SF3B3: variants seen among roughly 807,000 people sequenced by gnomAD.
SF3B3 encodes splicing factor 3b subunit 3, also known as SAP 130.
A neutral mutation model predicts 139.2 loss-of-function variants in SF3B3; 33 were observed. That is an observed-to-expected ratio of 0.24 (90% confidence interval 0.18 to 0.32). The LOEUF (loss-of-function observed/expected upper bound fraction) is 0.32, where lower values mean the gene tolerates loss of function less well. Ranked by LOEUF, SF3B3 falls within the 10% of genes least tolerant of loss-of-function variation. SF3B3 has a pLI of 1.00. For missense variants in SF3B3, 818 were observed against 1,509.4 expected, an observed-to-expected ratio of 0.54 and a Z score of 7.59; for synonymous variants, 596 against 563.6, an observed-to-expected ratio of 1.06 and a Z score of -0.81.
intron 2 of SF3B3, among the ~76,000 whole-genome samples, chr16:70,528,227 C>T (rs1211480531): frequency 3.9e-5 from 5 of 128,920 alleles, no homozygotes; most frequent in Non-Finnish European, 6.2e-5. Context: ...TACAGTAGTG[C>T]GACCTCGGCT....
At chr16:70,536,875 A>T (rs184708923) in intron 6 of SF3B3, among the ~76,000 whole-genome samples, 2 of 148,288 alleles carry the variant, frequency 1.3e-5, no homozygotes, top group East Asian at 4.0e-4. Flanking sequence ...CAGTGGCGCA[A>T]TCTTGGCTCA....
At chr16:70,568,621 A>C in intron 22 of SF3B3, 126 bp downstream of exon 22, 1 of 718,586 alleles carries the variant, frequency 1.4e-6, no homozygotes. Context: ...CATCCTACTA[A>C]AGCTAACTCT....
intron 1 of SF3B3, among the ~76,000 whole-genome samples, chr16:70,525,825 G>C (rs1238703512): frequency 1.3e-5 from 2 of 151,782 alleles, no homozygotes; most frequent in Non-Finnish European, 2.9e-5. Flanking sequence ...GCCGGGTGTG[G>C]TGGCGGGCGC....
intron 12 of SF3B3, 150 bp from the exon 13 acceptor site, chr16:70,554,901 C>T (rs528630836): frequency 1.4e-6 from 1 of 720,086 alleles, no homozygotes; most frequent in East Asian, 2.7e-5. Flanking sequence ...TTGCCTGAGG[C>T]CTACTAACTC....
chr16:70,526,888 T>C, intron 2 of SF3B3, 162 bp downstream of exon 2: 1 of 609,184 alleles, frequency 1.6e-6, no homozygotes, highest in Non-Finnish European at 2.9e-6. Context: ...GTGCATTATC[T>C]GTTACCTATT....
chr16:70,563,591 T>C, intron 17 of SF3B3: 1 of 317,606 alleles, frequency 3.1e-6, no homozygotes, highest in Non-Finnish European at 5.8e-6. Context: ...TTTATTATCA[T>C]TGGAGTGATT....
At chr16:70,533,228 G>A (rs927669312) in intron 5 of SF3B3, among the ~76,000 whole-genome samples, 5 of 152,084 alleles carry the variant, frequency 3.3e-5, no homozygotes, top group African/African-American at 1.2e-4. Context: ...GGTGGCTCAC[G>A]CCTATAACCC....
At chr16:70,531,722 T>A (rs774833891) in intron 4 of SF3B3, among the ~76,000 whole-genome samples, 11 of 152,244 alleles carry the variant, frequency 7.2e-5, no homozygotes, top group Non-Finnish European at 1.6e-4. Context: ...AAACAAGATA[T>A]TTATTGGGAA....
In SF3B3 at chr16:70,526,641, C is replaced by T. The variant is rs369611284; in HGVS notation, c.-16C>T. 3 of 1,609,150 alleles carry T rather than the reference C, an allele frequency of 1.9e-6. No individual in the cohort carries two copies. Among genetic ancestry groups the T allele is most frequent in the South Asian group, 2.2e-5 (2 of 90,834 alleles). ...CCAAGGCCTGGAGGTCTGGGTGGCT[C>T]AGGTTTCCTGCAGCCATGTTTCTGT... On this transcript the variant is annotated 5_prime_UTR_variant, in exon 2 of 26. Transcript: ENST00000302516.
intron 13 of SF3B3, 67 bp from the exon 14 acceptor site, chr16:70,556,112 G>C: frequency 6.6e-7 from 1 of 1,517,210 alleles, no homozygotes; most frequent in Non-Finnish European, 9.1e-7. Context: ...CAGGGTTTTG[G>C]GGTGAATTGG....
chr16:70,531,163 G>C (rs1404447387), intron 4 of SF3B3, among the ~76,000 whole-genome samples: 1 of 151,972 alleles, frequency 6.6e-6, no homozygotes, highest in African/African-American at 2.4e-5. Flanking sequence ...AGCTACTCGG[G>C]AAGCTGAGGC....
chr16:70,539,006 G>A, intron 7 of SF3B3, 98 bp from the exon 8 acceptor site: 1 of 894,444 alleles, frequency 1.1e-6, no homozygotes, highest in South Asian at 1.3e-5. Flanking sequence ...GGTCAGATAT[G>A]AAATACAGTA....
chr16:70,569,971 G>T, intron 23 of SF3B3, 35 bp from the exon 24 acceptor site: 1 of 1,613,052 alleles, frequency 6.2e-7, no homozygotes, highest in Non-Finnish European at 8.5e-7. Flanking sequence ...GCTCCTGAGG[G>T]TGCACACAGT....
chr16:70,535,850 G>A (rs905628227), intron 6 of SF3B3, among the ~76,000 whole-genome samples: 42 of 150,540 alleles, frequency 2.8e-4, no homozygotes, highest in African/African-American at 9.5e-4. Context: ...AGATTAATCC[G>A]TTATTAATAT....
intron 9 of SF3B3, among the ~76,000 whole-genome samples, chr16:70,542,824 C>G (rs1389556657): frequency 6.6e-6 from 1 of 151,454 alleles, no homozygotes; most frequent in African/African-American, 2.4e-5. Context: ...CAGGTTCACG[C>G]CATTCTCCTG....
At chr16:70,533,621 T>C (rs910335157) in intron 5 of SF3B3, among the ~76,000 whole-genome samples, 2 of 152,086 alleles carry the variant, frequency 1.3e-5, no homozygotes, top group Non-Finnish European at 2.9e-5. Flanking sequence ...AAAATACACG[T>C]TACTAATTGA....
At position 70,561,613 on chromosome 16, in the gene SF3B3, T is replaced by C; in HGVS notation, c.2134-17T>C. 1 of 1,605,282 alleles carries C rather than the reference T, an allele frequency of 6.2e-7. No homozygotes were observed. Among genetic ancestry groups the C allele is most frequent in the Non-Finnish European group, 8.5e-7 (1 of 1,176,436 alleles). Reference sequence around the variant, plus strand: ...TTCCCAAACCTTATTGGAGCTGGGTTTTTTTTTTCCCCTCAGGTATTGGCC... The same window carrying C: ...TTCCCAAACCTTATTGGAGCTGGGTCTTTTTTTTCCCCTCAGGTATTGGCC... On this transcript the variant is annotated splice_polypyrimidine_tract_variant and intron_variant, in intron 16 of 25. Coordinates refer to ENST00000302516, the MANE Select transcript of SF3B3 (RefSeq NM_012426.5).
At chr16:70,562,642 T>C (rs1036899311) in intron 17 of SF3B3, among the ~76,000 whole-genome samples, 1 of 152,130 alleles carries the variant, frequency 6.6e-6, no homozygotes, top group African/African-American at 2.4e-5. Context: ...TAAGCCAGCC[T>C]TGTTGTAGCC....
intron 11 of SF3B3, among the ~76,000 whole-genome samples, chr16:70,552,096 G>A (rs1256121088): frequency 1.3e-5 from 2 of 152,146 alleles, no homozygotes; most frequent in African/African-American, 2.4e-5. Context: ...AGTCTTGGTC[G>A]AAGGAAAGGC....
Sources: gnomAD v4.1 joint callset for allele counts (sites outside exome capture counted in the v4.1 genomes callset) on GRCh38, gnomAD v4.1.1 for gene constraint, MANE v1.5 for transcripts, NCBI Gene and HGNC (gene_info 2026-07-23, HGNC 2026-07-21) for gene names.